SDCCAG8: variants seen among roughly 807,000 people sequenced by gnomAD.
SDCCAG8 encodes serologically defined colon cancer antigen 8.
SDCCAG8 carries 74 observed loss-of-function variants against 101.8 expected under a neutral mutation model. The ratio of observed to expected loss-of-function variants is 0.73; its 90% CI spans 0.60 to 0.88. The LOEUF is 0.88. SDCCAG8 is among the 40% of genes least tolerant of loss of function. SDCCAG8 has a pLI of 0.00. For missense variants in SDCCAG8, 787 were observed against 822.6 expected (o/e 0.96, Z 0.53); for synonymous variants, 281 against 292.9 (o/e 0.96, Z 0.41).
chr1:243,417,862 T>C, intron 14 of SDCCAG8, 106 bp from the exon 15 acceptor site: 1 of 802,594 alleles, frequency 1.2e-6, no homozygotes, highest in Non-Finnish European at 2.2e-6. Flanking sequence ...AGTGGCTTAT[T>C]GGAAATGTGT....
chr1:243,327,537 G>A (rs1471206687), intron 9 of SDCCAG8, among the ~76,000 whole-genome samples: 1 of 146,072 alleles, frequency 6.8e-6, no homozygotes, highest in African/African-American at 2.6e-5. Flanking sequence ...TTATAATTTT[G>A]TAGAAATTAA....
rs183624487 is a variant in SDCCAG8 at position 243,428,962 on chromosome 1, G to C, written c.1985+2404G>C. 2.0e-5 allele frequency among the ~76,000 whole-genome samples: 3 copies of C among 152,314 alleles called. No homozygotes were observed. In the East Asian group the frequency reaches 5.8e-4, roughly 29 times the overall value. On this transcript the variant is annotated intron_variant, in intron 16 of 17. Transcript: ENST00000366541. ...TAAATTGCTTATTGCAATAACAAGT[G>C]ATCTATTGCAGCTCTTGTGTATTTT...
intron 12 of SDCCAG8, among the ~76,000 whole-genome samples, chr1:243,359,561 C>T (rs971303561): frequency 6.6e-6 from 1 of 152,164 alleles, no homozygotes; most frequent in African/African-American, 2.4e-5. Context: ...AGGCACTGTT[C>T]TGTGTGTACC....
intron 16 of SDCCAG8, among the ~76,000 whole-genome samples, chr1:243,436,167 C>CTTT (rs113227267): frequency 7.3e-6 from 1 of 136,616 alleles, no homozygotes; most frequent in Non-Finnish European, 1.6e-5. Context: ...TGTTTATCAA[C>CTTT]TTTTTTTTTT....
At chr1:243,436,580 A>C (rs1574035080) in intron 16 of SDCCAG8, among the ~76,000 whole-genome samples, 1 of 152,188 alleles carries the variant, frequency 6.6e-6, no homozygotes, top group African/African-American at 2.4e-5. Flanking sequence ...TTAAATTCCT[A>C]ATTGTAACTT....
intron 10 of SDCCAG8, among the ~76,000 whole-genome samples, chr1:243,339,790 T>C (rs1486561419): frequency 6.6e-6 from 1 of 152,242 alleles, no homozygotes; most frequent in Non-Finnish European, 1.5e-5. Flanking sequence ...TTTTAGTAAT[T>C]GATTTAAGTT....
intron 13 of SDCCAG8, among the ~76,000 whole-genome samples, chr1:243,393,454 A>G (rs2078839361): frequency 6.6e-6 from 1 of 151,436 alleles, no homozygotes; most frequent in Admixed American, 6.6e-5. Context: ...GGTCTGAGAT[A>G]AGACCTTGCA....
chr1:243,301,084 C>T (rs1558258990), intron 6 of SDCCAG8, among the ~76,000 whole-genome samples: 1 of 152,068 alleles, frequency 6.6e-6, no homozygotes, highest in Non-Finnish European at 1.5e-5. Context: ...TTTTTCAAAA[C>T]TTATGTACAC....
intron 16 of SDCCAG8, among the ~76,000 whole-genome samples, chr1:243,459,042 G>C (rs1265742484): frequency 1.3e-5 from 2 of 152,212 alleles, no homozygotes; most frequent in Non-Finnish European, 2.9e-5. Flanking sequence ...TATGGAGAGT[G>C]AGAAGAAAAA....
intron 9 of SDCCAG8, chr1:243,318,496 G>A (rs1006091065): frequency 1.8e-5 from 17 of 945,548 alleles, no homozygotes; most frequent in Admixed American, 6.2e-5. Context: ...ATGTACCCCC[G>A]AACCTAAAAT....
intron 1 of SDCCAG8, chr1:243,267,516 C>T (rs28599724): frequency 0.49 from 188,662 of 384,306 alleles, 50,961 homozygotes; most frequent in East Asian, 0.75. Flanking sequence ...GCAGGAGAAT[C>T]GCTTGAACCC....
rs2081339368 is a variant in SDCCAG8 at position 243,426,362 on chromosome 1, T to A, written c.1854-65T>A. ...AGTTTAAGATAATGTTAAGGTTATA[T>A]AATAACAATATGCCCTAGTAATAAG... is the stretch of plus-strand genomic sequence containing the variant. On this transcript the variant is annotated intron_variant, in intron 15 of 17. Transcript: ENST00000366541. 10 of 1,354,768 alleles carry A rather than the reference T, an allele frequency of 7.4e-6. No individual in the cohort carries two copies. In the East Asian group the frequency reaches 2.4e-4, roughly 32 times the overall value. 83.9% of individuals were successfully genotyped at this position (1,354,768 alleles called of 1,614,324 possible). A position where few individuals can be genotyped will look rare whatever the true frequency, so the allele number is the denominator to read the frequency against.
At chr1:243,480,965 G>T (rs957228659) in intron 16 of SDCCAG8, among the ~76,000 whole-genome samples, 31 of 151,854 alleles carry the variant, frequency 2.0e-4, no homozygotes, top group African/African-American at 7.5e-4. Context: ...AGGAGACTGA[G>T]CTGTGGGGAT....
At chr1:243,267,405 C>A in intron 1 of SDCCAG8, 1 of 289,600 alleles carries the variant, frequency 3.5e-6, no homozygotes. Context: ...TTGAGACCAG[C>A]CTGACCAACG....
rs185438512 is a variant in SDCCAG8 at position 243,342,341 on chromosome 1, C to T, written c.1356+1168C>T. ...CATCAGAAGAGCGATTAGACTAAAT[C>T]GCCTTGAAGTTGCTTCCAACGTGGA... On this transcript the variant is annotated intron_variant, in intron 11 of 17. Coordinates refer to ENST00000366541, the MANE Select transcript of SDCCAG8 (RefSeq NM_006642.5). Among the ~76,000 whole-genome samples, 366 of 152,304 alleles carry T rather than the reference C, an allele frequency of 2.4e-3. 4 individuals carry two copies. The highest frequency in any genetic ancestry group is 8.5e-3 in the African/African-American group (354 of 41,570).
At chr1:243,378,445 G>A (rs766255167) in intron 12 of SDCCAG8, among the ~76,000 whole-genome samples, 1 of 152,002 alleles carries the variant, frequency 6.6e-6, no homozygotes, top group Non-Finnish European at 1.5e-5. Context: ...TAAAGGGAAC[G>A]ACTCTTAGAA....
chr1:243,263,806 C>T (rs2067373131), intron 1 of SDCCAG8, among the ~76,000 whole-genome samples: 1 of 152,180 alleles, frequency 6.6e-6, no homozygotes, highest in Non-Finnish European at 1.5e-5. Flanking sequence ...TAATCTCTTT[C>T]ACAATTGTAA....
intron 4 of SDCCAG8, 32 bp from the exon 5 acceptor site, chr1:243,286,240 A>T: frequency 6.2e-7 from 1 of 1,606,540 alleles, no homozygotes; most frequent in African/African-American, 1.3e-5. Flanking sequence ...CTGCTTAATA[A>T]TGCTTAATGT....
chr1:243,268,694 A>T (rs566574838), intron 1 of SDCCAG8, among the ~76,000 whole-genome samples: 7 of 152,152 alleles, frequency 4.6e-5, no homozygotes, highest in African/African-American at 1.7e-4. Flanking sequence ...TTTTTTTTCT[A>T]TTAAGTACTA....
Sources: gnomAD v4.1 joint callset for allele counts (sites outside exome capture counted in the v4.1 genomes callset) on GRCh38, gnomAD v4.1.1 for gene constraint, MANE v1.5 for transcripts, NCBI Gene and HGNC (gene_info 2026-07-23, HGNC 2026-07-21) for gene names.